Variants in NLGN1 observed in about 807,000 individuals in gnomAD.
The protein encoded by NLGN1 is neuroligin 1.
Under a neutral mutation model 65.5 loss-of-function variants are expected in NLGN1, and 12 were observed. The observed-to-expected ratio is 0.18, with a 90% CI of 0.12 to 0.30. The LOEUF is 0.30. Among genes scored for constraint, NLGN1 ranks in the 10% least tolerant of loss-of-function variants. The pLI is 1.00. For synonymous variants in NLGN1, 350 were observed against 359.5 expected (o/e 0.97, Z 0.30); for missense variants, 750 against 1,007.1 (o/e 0.74, Z 3.46).
intron 4 of NLGN1, among the ~76,000 whole-genome samples, chr3:174,029,114 G>C (rs1729414129): frequency 6.6e-6 from 1 of 152,224 alleles, no homozygotes; most frequent in African/African-American, 2.4e-5. Flanking sequence ...ACTGCCTACT[G>C]GAGCTGTAAG....
intron 3 of NLGN1, among the ~76,000 whole-genome samples, chr3:173,622,480 A>G (rs1254162619): frequency 6.6e-6 from 1 of 152,128 alleles, no homozygotes; most frequent in Non-Finnish European, 1.5e-5. Flanking sequence ...TCTAAAAGGA[A>G]TGGCAAGGAC....
chr3:173,768,263 A>G (rs1377733644), intron 3 of NLGN1, among the ~76,000 whole-genome samples: 1 of 152,178 alleles, frequency 6.6e-6, no homozygotes, highest in Non-Finnish European at 1.5e-5. Context: ...AATTCCTACT[A>G]TGTGAGTTCA....
At chr3:174,252,264 A>G (rs1033455673) in intron 4 of NLGN1, among the ~76,000 whole-genome samples, 2 of 152,154 alleles carry the variant, frequency 1.3e-5, no homozygotes, top group Non-Finnish European at 2.9e-5. Context: ...TGTAGTCTGG[A>G]GGAAAGGGCA....
intron 3 of NLGN1, among the ~76,000 whole-genome samples, chr3:173,722,921 G>A (rs538510219): frequency 6.6e-6 from 1 of 152,216 alleles, no homozygotes; most frequent in Non-Finnish European, 1.5e-5. Context: ...ATAAAACGTG[G>A]AAAAATTAAT....
chr3:173,586,334 T>C (rs1701410288), intron 2 of NLGN1, among the ~76,000 whole-genome samples: 1 of 152,238 alleles, frequency 6.6e-6, no homozygotes, highest in South Asian at 2.1e-4. Context: ...CACTGAAGTC[T>C]GTGTGTGTGA....
At position 173,607,962 on chromosome 3, in the gene NLGN1, A is replaced by T. The variant is rs575867840; in HGVS notation, c.493+2871A>T. On this transcript the variant is annotated intron_variant, in intron 3 of 6. Coordinates refer to ENST00000457714, the Ensembl canonical transcript of NLGN1. ...CCATCCCTGAGCCAAGTACTCTATA[A>T]TCTGTGCATATTGTATTCATGCAAA... Among the ~76,000 whole-genome samples the T allele has an allele frequency of 4.6e-5, 7 of 151,884 alleles. No homozygotes were observed. In the East Asian group the frequency reaches 9.7e-4, roughly 21 times the overall value.
At chr3:173,808,670 G>A (rs1030769009) in intron 4 of NLGN1, among the ~76,000 whole-genome samples, 7 of 152,104 alleles carry the variant, frequency 4.6e-5, no homozygotes, top group Admixed American at 1.3e-4. Context: ...TGCTAAAAGA[G>A]CACAATGCAT....
Position 173,807,952 on chromosome 3 carries a change from C to T in NLGN1, c.646+120C>T, listed in dbSNP as rs1717020312. Reference sequence around the variant, plus strand: ...CCATTTTTTTATGCGTGTTGACATTCTCGAGCCCAAATTTTTTATAGTTTC... The same window carrying T: ...CCATTTTTTTATGCGTGTTGACATTTTCGAGCCCAAATTTTTTATAGTTTC... On this transcript the variant is annotated intron_variant, in intron 4 of 6. Coordinates refer to ENST00000457714, the Ensembl canonical transcript of NLGN1. 7 of 935,826 alleles carry T rather than the reference C, an allele frequency of 7.5e-6. No individual in the cohort carries two copies. The South Asian group carries it at 7.6e-5, about 10-fold the overall frequency. 58.0% of individuals were successfully genotyped at this position (935,826 alleles called of 1,614,324 possible).
At chr3:173,427,844 TA>T in intron 1 of NLGN1, among the ~76,000 whole-genome samples, 2 of 149,824 alleles carry the variant, frequency 1.3e-5, no homozygotes, top group Non-Finnish European at 3.0e-5. Context: ...CTGGAAACTC[TA>T]TTTTTTTTTT....
intron 4 of NLGN1, among the ~76,000 whole-genome samples, chr3:173,912,855 A>G (rs767091956): frequency 6.6e-6 from 1 of 152,206 alleles, no homozygotes; most frequent in Admixed American, 6.5e-5. Flanking sequence ...CGAAAATACT[A>G]TAGAAAGTAT....
At chr3:173,932,058 A>G (rs1424216058) in intron 4 of NLGN1, among the ~76,000 whole-genome samples, 1 of 152,032 alleles carries the variant, frequency 6.6e-6, no homozygotes, top group Non-Finnish European at 1.5e-5. Flanking sequence ...TCCAGAGCAA[A>G]TGGAAGGATT....
chr3:173,741,747 C>T (rs11928805), intron 3 of NLGN1, among the ~76,000 whole-genome samples: 6,383 of 152,180 alleles, frequency 0.042, 452 homozygotes, highest in African/African-American at 0.15. Flanking sequence ...ACCTCCTTGG[C>T]CTCCCAAAGT....
chr3:173,829,100 A>G (rs1721948681), intron 4 of NLGN1, among the ~76,000 whole-genome samples: 2 of 152,208 alleles, frequency 1.3e-5, no homozygotes, highest in African/African-American at 4.8e-5. Flanking sequence ...TCCAGGCACA[A>G]TATGATGGAG....
At chr3:173,459,273 TA>T (rs987131568) in intron 2 of NLGN1, among the ~76,000 whole-genome samples, 67 of 151,964 alleles carry the variant, frequency 4.4e-4, no homozygotes, top group Non-Finnish European at 1.8e-4. Flanking sequence ...ATGCATTTTT[TA>T]AAAAAAATAG....
At chr3:174,198,844 CTTTTTTTTTT>C (rs56752477) in intron 4 of NLGN1, among the ~76,000 whole-genome samples, 3 of 99,862 alleles carry the variant, frequency 3.0e-5, no homozygotes, top group Non-Finnish European at 5.6e-5. Flanking sequence ...TGACTAGATT[CTTTTTTTTTT>C]TTTTTTTTTT....
intron 1 of NLGN1, among the ~76,000 whole-genome samples, chr3:173,408,554 T>C (rs1474936933): frequency 6.6e-6 from 1 of 152,198 alleles, no homozygotes; most frequent in Non-Finnish European, 1.5e-5. Flanking sequence ...GGAGGGAATC[T>C]TTCAGAAGAG....
At chr3:174,282,546 C>A (rs541132412) in exon 7 of NLGN1, 10 of 152,190 alleles carry the variant, frequency 6.6e-5, no homozygotes, top group Admixed American at 5.9e-4. Flanking sequence ...AGATACAGAA[C>A]CTAGGAGAGT....
intron 4 of NLGN1, among the ~76,000 whole-genome samples, chr3:173,938,528 G>C (rs998474009): frequency 1.3e-5 from 2 of 152,086 alleles, no homozygotes; most frequent in Non-Finnish European, 2.9e-5. Flanking sequence ...GGAGTTCTTT[G>C]CTACTGCAGT....
rs976829705 is a variant in NLGN1 at position 173,752,716 on chromosome 3, C to G, written c.494-54964C>G. On this transcript the variant is annotated intron_variant, in intron 3 of 6. Coordinates refer to ENST00000457714, the Ensembl canonical transcript of NLGN1. The stretch of plus-strand genomic sequence containing the variant: ...CTAAACCACATTGAATGGGTCACCA[C>G]TTTAAATATACTCTCAACTTAAGTG... Among the ~76,000 whole-genome samples, 37 of 152,090 alleles carry G rather than the reference C, an allele frequency of 2.4e-4. 1 individual carries two copies. The highest frequency in any genetic ancestry group is 2.9e-5 in the Non-Finnish European group (2 of 68,014).
Sources: allele counts gnomAD v4.1 joint callset (sites outside exome capture counted in the v4.1 genomes callset), GRCh38; gene constraint gnomAD v4.1.1; transcripts MANE v1.5; gene names NCBI Gene and HGNC (gene_info 2026-07-23, HGNC 2026-07-21).